The following CFAP299 variants were observed in gnomAD, a reference collection of about 807,000 sequenced individuals.
CFAP299 encodes cilia- and flagella-associated protein 299.
In CFAP299, 21 loss-of-function variants were observed where a neutral mutation model predicts 27.0. That is an observed-to-expected ratio of 0.78 (90% CI 0.55 to 1.12). The LOEUF is 1.12. Ranked by LOEUF, CFAP299 falls within the 50% of genes most tolerant of loss-of-function variation. CFAP299 has a pLI of 0.00. For missense variants in CFAP299, 310 were observed against 276.6 expected (o/e 1.12, Z -0.86); for synonymous variants, 104 against 98.1 (o/e 1.06, Z -0.36).
chr4:80,607,962 C>CA (rs1737764176), intron 3 of CFAP299, among the ~76,000 whole-genome samples: 1 of 152,118 alleles, frequency 6.6e-6, no homozygotes, highest in South Asian at 2.1e-4. Flanking sequence ...GTGAAGGTTA[C>CA]ATGAAGTAGT....
In CFAP299 at chr4:80,391,431, T is replaced by C. The variant is rs147435329; in HGVS notation, c.242+28547T>C. ...CCATTCTAACAGGTGTGAAGTGTTATCTCATTGTGGTTCCGATTTGCTTTC... is the reference window on the plus strand; with the variant it reads ...CCATTCTAACAGGTGTGAAGTGTTACCTCATTGTGGTTCCGATTTGCTTTC... On this transcript the variant is annotated intron_variant, in intron 2 of 5. Transcript: ENST00000358105. Among the ~76,000 whole-genome samples the C allele has an allele frequency of 5.8e-3, 888 of 152,320 alleles. 11 individuals carry two copies. The highest frequency in any genetic ancestry group is 0.02 in the African/African-American group (842 of 41,570).
At chr4:80,697,181 A>C (rs1721154866) in intron 3 of CFAP299, among the ~76,000 whole-genome samples, 1 of 152,006 alleles carries the variant, frequency 6.6e-6, no homozygotes, top group Non-Finnish European at 1.5e-5. Context: ...CTGTGTCTAC[A>C]AAAATTTGAA....
chr4:80,892,540 A>G lies in CFAP299; in HGVS notation c.476+22405A>G, dbSNP rs988682555. 5.3e-5 allele frequency among the ~76,000 whole-genome samples: 8 copies of G among 152,202 alleles called. No individual in the cohort carries two copies. The South Asian group carries it at 6.2e-4, about 12-fold the overall frequency. On this transcript the variant is annotated intron_variant, in intron 4 of 5. Coordinates refer to ENST00000358105, the MANE Select transcript of CFAP299 (RefSeq NM_152770.3). ...TTAAGTTATAAAGTTTCTGCACAGCAAAGTAAACAATCAACAAAGTGAAGT... is the reference window on the plus strand; with the variant it reads ...TTAAGTTATAAAGTTTCTGCACAGCGAAGTAAACAATCAACAAAGTGAAGT...
intron 3 of CFAP299, among the ~76,000 whole-genome samples, chr4:80,808,829 C>T (rs185053134): frequency 3.9e-5 from 6 of 152,112 alleles, no homozygotes; most frequent in African/African-American, 1.4e-4. Context: ...GTGGTTCAGT[C>T]TTAATGTGGT....
intron 2 of CFAP299, among the ~76,000 whole-genome samples, chr4:80,406,515 C>G (rs1478748873): frequency 6.6e-6 from 1 of 152,106 alleles, no homozygotes; most frequent in Non-Finnish European, 1.5e-5. Flanking sequence ...TAGGCTCATG[C>G]CACCACACCC....
At chr4:80,916,758 A>G (rs920422721) in intron 4 of CFAP299, among the ~76,000 whole-genome samples, 2 of 152,168 alleles carry the variant, frequency 1.3e-5, no homozygotes, top group Admixed American at 6.6e-5. Context: ...ATGAATTATA[A>G]AAGACATTGA....
At chr4:80,690,303 C>T (rs1720575763) in intron 3 of CFAP299, among the ~76,000 whole-genome samples, 1 of 151,208 alleles carries the variant, frequency 6.6e-6, no homozygotes, top group African/African-American at 2.4e-5. Context: ...GTAAAGCTCT[C>T]CTCAGCAAAT....
chr4:80,587,554 G>A (rs929862878), intron 3 of CFAP299, among the ~76,000 whole-genome samples: 1 of 152,110 alleles, frequency 6.6e-6, no homozygotes, highest in African/African-American at 2.4e-5. Context: ...ATTATATAAT[G>A]TGTAAAGCAC....
At chr4:80,659,171 A>G (rs142671140) in intron 3 of CFAP299, among the ~76,000 whole-genome samples, 271 of 152,258 alleles carry the variant, frequency 1.8e-3, no homozygotes, top group African/African-American at 5.9e-3. Context: ...CTGGGCAGTT[A>G]AAAATATAAA....
chr4:80,899,344 A>G (rs1734769736), intron 4 of CFAP299, among the ~76,000 whole-genome samples: 1 of 152,230 alleles, frequency 6.6e-6, no homozygotes, highest in Non-Finnish European at 1.5e-5. Flanking sequence ...TAGTGCTTAA[A>G]TCCTTGGGAA....
chr4:80,686,390 A>G (rs139899120), intron 3 of CFAP299, among the ~76,000 whole-genome samples: 64 of 152,294 alleles, frequency 4.2e-4, no homozygotes, highest in African/African-American at 1.5e-3. Flanking sequence ...ATGCTTCTCT[A>G]GATTTCTGTG....
chr4:80,582,518 A>C (rs1578631335), intron 2 of CFAP299, among the ~76,000 whole-genome samples: 1 of 151,988 alleles, frequency 6.6e-6, no homozygotes, highest in African/African-American at 2.4e-5. Flanking sequence ...TATGTGGTTC[A>C]GTTTTGCTTG....
At chr4:80,727,007 C>CCAGCA (rs1723203407) in intron 3 of CFAP299, among the ~76,000 whole-genome samples, 1 of 152,058 alleles carries the variant, frequency 6.6e-6, no homozygotes, top group Non-Finnish European at 1.5e-5. Flanking sequence ...CACTCCACCC[C>CCAGCA]CAGCATTCCA....
chr4:80,514,351 A>G (rs1732472103), intron 2 of CFAP299, among the ~76,000 whole-genome samples: 2 of 152,084 alleles, frequency 1.3e-5, no homozygotes, highest in Non-Finnish European at 2.9e-5. Context: ...AGGTGATTTT[A>G]TTATTTAACT....
chr4:80,683,892 A>G (rs1720005545), intron 3 of CFAP299, among the ~76,000 whole-genome samples: 1 of 152,334 alleles, frequency 6.6e-6, no homozygotes, highest in Non-Finnish European at 1.5e-5. Context: ...AATCTAGTGC[A>G]TTTCATTTTC....
At chr4:80,836,364 G>A (rs1730559660) in intron 3 of CFAP299, among the ~76,000 whole-genome samples, 1 of 152,158 alleles carries the variant, frequency 6.6e-6, no homozygotes, top group African/African-American at 2.4e-5. Flanking sequence ...TCTGGCATGG[G>A]TCTTGGCAAG....
At position 80,924,538 on chromosome 4, in the gene CFAP299, G is replaced by GTATA. The variant is rs1553906748; in HGVS notation, c.477-20250_477-20247dup. Among the ~76,000 whole-genome samples the GTATA allele has an allele frequency of 9.0e-3, 1,185 of 131,646 alleles. 8 individuals carry two copies. Among genetic ancestry groups the GTATA allele is most frequent in the Non-Finnish European group, 0.012 (784 of 63,106 alleles). The allele number at this position is 131,646 out of a possible 152,430, so 86.4% of individuals were successfully genotyped here. A position where few individuals can be genotyped will look rare whatever the true frequency, so the allele number is the denominator to read the frequency against. Reference sequence around the variant, plus strand: ...TATGTGTGTGTGTGTGTGTGTGTGTGTATATATATATATATATATATATAT... The same window carrying GTATA: ...TATGTGTGTGTGTGTGTGTGTGTGTGTATATATATATATATATATATATATATAT... On this transcript the variant is annotated intron_variant, in intron 4 of 5. Transcript: ENST00000358105.
chr4:80,379,037 T>G (rs1369129356), intron 2 of CFAP299, among the ~76,000 whole-genome samples: 1 of 152,104 alleles, frequency 6.6e-6, no homozygotes, highest in African/African-American at 2.4e-5. Flanking sequence ...CTTAATTGAT[T>G]GGTAGAGTTC....
At chr4:80,658,093 CTT>C (rs1414466584) in intron 3 of CFAP299, among the ~76,000 whole-genome samples, 2 of 152,144 alleles carry the variant, frequency 1.3e-5, no homozygotes, top group African/African-American at 4.8e-5. Flanking sequence ...TATCCTGAGA[CTT>C]TGCTGAAGTT....
Sources: allele counts gnomAD v4.1 joint callset (sites outside exome capture counted in the v4.1 genomes callset), GRCh38; gene constraint gnomAD v4.1.1; transcripts MANE v1.5; gene names NCBI Gene and HGNC (gene_info 2026-07-23, HGNC 2026-07-21).